The following FHOD3 variants were observed in gnomAD, a reference collection of about 807,000 sequenced individuals.
FHOD3 encodes the protein FH1/FH2 domain-containing protein 3.
FHOD3 carries 90 observed loss-of-function variants against 173.0 expected under a neutral mutation model. The observed-to-expected ratio is 0.52, with a 90% CI of 0.44 to 0.62. The LOEUF is 0.62. Ranked by LOEUF, FHOD3 falls within the 20% of genes least tolerant of loss-of-function variation. FHOD3 has a pLI of 0.00. For synonymous variants in FHOD3, 828 were observed against 823.0 expected (o/e 1.01, Z -0.10); for missense variants, 1,945 against 2,034.7 (o/e 0.96, Z 0.85).
chr18:36,506,465 TGTATGTCAA>T (rs923437608), intron 4 of FHOD3, among the ~76,000 whole-genome samples: 1 of 152,224 alleles, frequency 6.6e-6, no homozygotes, highest in Non-Finnish European at 1.5e-5. Context: ...TGAAGGATTC[TGTATGTCAA>T]GTGAGAAGAA....
intron 3 of FHOD3, among the ~76,000 whole-genome samples, chr18:36,490,925 T>C (rs2054434628): frequency 6.6e-6 from 1 of 152,192 alleles, no homozygotes; most frequent in South Asian, 2.1e-4. Context: ...GATACAGATG[T>C]GTCTGAAGCT....
chr18:36,468,571 C>T (rs1355464982), intron 3 of FHOD3, among the ~76,000 whole-genome samples: 2 of 152,156 alleles, frequency 1.3e-5, no homozygotes, highest in African/African-American at 4.8e-5. Flanking sequence ...GAGTGCCAGC[C>T]TGAGCAAATC....
At chr18:36,522,256 G>T (rs2056313223) in intron 5 of FHOD3, among the ~76,000 whole-genome samples, 2 of 152,324 alleles carry the variant, frequency 1.3e-5, no homozygotes, top group Admixed American at 1.3e-4. Context: ...TAGACTATCT[G>T]CAGAGAAAGA....
chr18:36,691,433 C>T (rs1433552043), intron 16 of FHOD3, among the ~76,000 whole-genome samples: 2 of 152,236 alleles, frequency 1.3e-5, no homozygotes, highest in East Asian at 3.9e-4. Context: ...TAGGGCATTT[C>T]TGGCCTTGAA....
At chr18:36,523,986 G>A (rs1277836971) in intron 5 of FHOD3, among the ~76,000 whole-genome samples, 3 of 152,116 alleles carry the variant, frequency 2.0e-5, no homozygotes, top group Non-Finnish European at 4.4e-5. Context: ...TAGTCATTAA[G>A]AGGCTTGTAT....
chr18:36,752,033 G>C (rs1176312036), intron 24 of FHOD3, among the ~76,000 whole-genome samples: 1 of 152,218 alleles, frequency 6.6e-6, no homozygotes, highest in Non-Finnish European at 1.5e-5. Flanking sequence ...CACAGTGGAA[G>C]GGGAACCAAA....
At chr18:36,358,477 CT>C (rs1431557243) in intron 2 of FHOD3, among the ~76,000 whole-genome samples, 1 of 152,118 alleles carries the variant, frequency 6.6e-6, no homozygotes. Context: ...ACTTTGTTCC[CT>C]TCTGAATCAT....
intron 10 of FHOD3, among the ~76,000 whole-genome samples, chr18:36,639,846 A>G (rs2035183173): frequency 6.6e-6 from 1 of 151,036 alleles, no homozygotes; most frequent in Non-Finnish European, 1.5e-5. Flanking sequence ...AAGTCAAGGT[A>G]TACACAAAAA....
chr18:36,576,687 A>G, intron 6 of FHOD3, 142 bp downstream of exon 6: 1 of 535,238 alleles, frequency 1.9e-6, no homozygotes. Flanking sequence ...ACTACTCTAC[A>G]AATTTTAAGA....
chr18:36,550,242 C>CTATATATATA (rs2057590732), intron 5 of FHOD3, among the ~76,000 whole-genome samples: 1 of 73,344 alleles, frequency 1.4e-5, no homozygotes, highest in Admixed American at 1.3e-4. Context: ...CAGTGGTAGA[C>CTATATATATA]CATATATATA....
At chr18:36,701,197 C>A (rs961365739) in intron 17 of FHOD3, among the ~76,000 whole-genome samples, 4 of 152,092 alleles carry the variant, frequency 2.6e-5, no homozygotes, top group African/African-American at 9.7e-5. Context: ...TCCTCTCTAC[C>A]CAGGAAGAAA....
intron 23 of FHOD3, among the ~76,000 whole-genome samples, chr18:36,745,723 G>T (rs144705060): frequency 7.7e-6 from 1 of 129,954 alleles, no homozygotes; most frequent in Non-Finnish European, 1.6e-5. Flanking sequence ...TCCCGACCCC[G>T]TACCCTCTGT....
At chr18:36,638,248 G>A (rs375020625) in intron 10 of FHOD3, among the ~76,000 whole-genome samples, 5 of 152,344 alleles carry the variant, frequency 3.3e-5, no homozygotes, top group African/African-American at 1.2e-4. Context: ...TAAGAGAAGA[G>A]CTCCCCAGGC....
intron 6 of FHOD3, among the ~76,000 whole-genome samples, chr18:36,593,751 C>T (rs1013800582): frequency 6.6e-6 from 1 of 152,194 alleles, no homozygotes; most frequent in African/African-American, 2.4e-5. Flanking sequence ...CAACAAACAC[C>T]TTCCAGCTCC....
chr18:36,415,772 G>A (rs886745097), intron 3 of FHOD3, among the ~76,000 whole-genome samples: 3 of 152,124 alleles, frequency 2.0e-5, no homozygotes, highest in Admixed American at 1.3e-4. Flanking sequence ...TTAATTTCAG[G>A]CAGACATTTT....
intron 6 of FHOD3, among the ~76,000 whole-genome samples, chr18:36,583,302 C>T (rs553015864): frequency 6.6e-5 from 10 of 152,268 alleles, no homozygotes; most frequent in South Asian, 2.1e-4. Context: ...GGGTCACACA[C>T]GCCTGCACCA....
intron 4 of FHOD3, among the ~76,000 whole-genome samples, 193 bp downstream of exon 4, chr18:36,502,192 TAAAAAG>T (rs1040416607): frequency 6.6e-6 from 1 of 152,004 alleles, no homozygotes; most frequent in African/African-American, 2.4e-5. Flanking sequence ...TCAAACATAA[TAAAAAG>T]TAAAGGTAAC....
Position 36,772,554 on chromosome 18 carries a change from G to A in FHOD3, c.4786+3128G>A, listed in dbSNP as rs189493430. Among the ~76,000 whole-genome samples, 7 of 152,350 alleles carry A rather than the reference G, an allele frequency of 4.6e-5. No individual in the cohort carries two copies. The East Asian group carries it at 1.3e-3, about 29-fold the overall frequency. On this transcript the variant is annotated intron_variant, in intron 28 of 28. Coordinates refer to ENST00000590592, the MANE Select transcript of FHOD3 (RefSeq NM_001281740.3). Reference sequence around the variant, plus strand: ...TCCATCCCATAACCTTGAAATTTATGGCCTGCAAGGCAAGCCACTCGAGGA... The same window carrying A: ...TCCATCCCATAACCTTGAAATTTATAGCCTGCAAGGCAAGCCACTCGAGGA...
At chr18:36,641,883 T>C (rs533254941) in intron 10 of FHOD3, among the ~76,000 whole-genome samples, 2 of 151,078 alleles carry the variant, frequency 1.3e-5, no homozygotes, top group East Asian at 2.0e-4. Flanking sequence ...AACCCGGGGG[T>C]TGGAGGTTGC....
Sources: gnomAD v4.1 joint callset for allele counts (sites outside exome capture counted in the v4.1 genomes callset) on GRCh38, gnomAD v4.1.1 for gene constraint, MANE v1.5 for transcripts, NCBI Gene and HGNC (gene_info 2026-07-23, HGNC 2026-07-21) for gene names.